The following AFP variants were observed in gnomAD, a reference collection of about 807,000 sequenced individuals.
AFP encodes the protein alpha fetoprotein.
A neutral mutation model predicts 78.9 loss-of-function variants in AFP; 64 were observed. The ratio of observed to expected loss-of-function variants is 0.81; its 90% CI spans 0.66 to 1.00. AFP has a LOEUF of 1.00. Among genes scored for constraint, AFP ranks in the 50% least tolerant of loss-of-function variants. The pLI, the probability that AFP is intolerant of heterozygous loss-of-function variation, is 0.00. For synonymous variants in AFP, 254 were observed against 243.8 expected (o/e 1.04, Z -0.39); for missense variants, 689 against 703.8 (o/e 0.98, Z 0.24).
At chr4:73,437,089 C>T in intron 1 of AFP, 71 bp from the exon 2 acceptor site, 1 of 1,138,258 alleles carries the variant, frequency 8.8e-7, no homozygotes, top group African/African-American at 1.5e-5. Flanking sequence ...CACAAACATT[C>T]ATATGTAACA....
At position 73,455,141 on chromosome 4, in the gene AFP, A is replaced by C. The variant is rs553512717; in HGVS notation, c.1786-95A>C. On this transcript the variant is annotated intron_variant, in intron 13 of 14. Transcript: ENST00000395792. ...TCATTTTTAACTTAGTTAATCTACAAACCTATGAATTCACCCCGGATTGTA... is the reference window on the plus strand; with the variant it reads ...TCATTTTTAACTTAGTTAATCTACACACCTATGAATTCACCCCGGATTGTA... 8.6e-5 allele frequency: 87 copies of C among 1,008,670 alleles called. No individual in the cohort carries two copies. In the South Asian group the frequency reaches 1.1e-3, roughly 13 times the overall value. The allele number at this position is 1,008,670 out of a possible 1,614,324, so 62.5% of individuals were successfully genotyped here.
intron 13 of AFP, among the ~76,000 whole-genome samples, chr4:73,454,640 G>A (rs1019358941): frequency 3.3e-5 from 5 of 152,012 alleles, no homozygotes; most frequent in Non-Finnish European, 5.9e-5. Context: ...CTATAACTTA[G>A]CGTTTTTGTC....
At chr4:73,441,567 CAAAAAAAA>C (rs35201987) in intron 4 of AFP, among the ~76,000 whole-genome samples, 2 of 96,000 alleles carry the variant, frequency 2.1e-5, no homozygotes, top group South Asian at 8.1e-4. Context: ...GACTCCGTCT[CAAAAAAAA>C]AAAAAAAAAA....
chr4:73,442,319 G>A lies in AFP; in HGVS notation c.506G>A (p.Arg169Lys), dbSNP rs143076376. The part of the protein sequence containing the change: ...MNKFIYEIAR[R>K]HPFLYAPTIL... ...AGATTCATTTATGAGATAGCAAGAA[G>A]GCATCCCTTCCTGTATGCACCTACA... Residue 169 changes from arginine (R) to lysine (K), a missense_variant, in exon 5 of 15, where the codon AGG becomes AAG. Arg to Lys is a conservative substitution (Grantham distance 26). Transcript: ENST00000395792. 19 of 1,613,652 alleles carry A rather than the reference G, an allele frequency of 1.2e-5. No individual in the cohort carries two copies. Among genetic ancestry groups the A allele is most frequent in the African/African-American group, 2.7e-5 (2 of 74,892 alleles).
rs777822045 is a variant in AFP, at chr4:73,437,196, T to A, written c.122T>A (p.Ile41Lys). Residue 41 changes from isoleucine to lysine, a missense_variant, in exon 2 of 15, where the codon ATA (isoleucine) becomes AAA (lysine). Physicochemically the swap from Ile to Lys is moderately radical, Grantham distance 102 (BLOSUM62 -3). Transcript: ENST00000395792. ...GATTCTTACCAATGTACTGCAGAGA[T>A]AAGTTTAGCTGACCTGTAAGTTTTG... Reference protein sequence around the residue: ...ILDSYQCTAEISLADLATIFF... With the variant: ...ILDSYQCTAEKSLADLATIFF... 2.5e-6 allele frequency: 4 copies of A among 1,610,844 alleles called. No homozygotes were observed. Among genetic ancestry groups the A allele is most frequent in the Non-Finnish European group, 2.5e-6 (3 of 1,177,486 alleles).
intron 5 of AFP, 87 bp downstream of exon 5, chr4:73,442,515 A>AT (rs1439506272): frequency 2.7e-6 from 4 of 1,490,952 alleles, no homozygotes; most frequent in Non-Finnish European, 3.7e-6. Context: ...AACGTGCTTA[A>AT]TTGTGGAGAG....
At chr4:73,452,321 C>A in intron 11 of AFP, 80 bp from the exon 12 acceptor site, 2 of 1,102,586 alleles carry the variant, frequency 1.8e-6, no homozygotes, top group Non-Finnish European at 2.8e-6. Flanking sequence ...GAAATTATTG[C>A]AGCAGTTTTC....
intron 8 of AFP, 70 bp from the exon 9 acceptor site, chr4:73,449,265 C>A: frequency 7.2e-7 from 1 of 1,392,510 alleles, no homozygotes; most frequent in Non-Finnish European, 1.0e-6. Context: ...ATAGGAATAA[C>A]TGGAGAAGTG....
intron 13 of AFP, 80 bp from the exon 14 acceptor site, chr4:73,455,156 C>T (rs1720119333): frequency 1.8e-6 from 2 of 1,120,666 alleles, no homozygotes; most frequent in Non-Finnish European, 1.4e-6. Flanking sequence ...ATGAATTCAC[C>T]CCGGATTGTA....
At chr4:73,437,961 A>G (rs1434767111) in intron 2 of AFP, among the ~76,000 whole-genome samples, 1 of 152,094 alleles carries the variant, frequency 6.6e-6, no homozygotes, top group Non-Finnish European at 1.5e-5. Flanking sequence ...TTTAACATCT[A>G]TATGTATATT....
Position 73,440,799 on chromosome 4 carries a change from G to A in AFP, c.468G>A (p.Glu156=). Residue 156 remains glutamate (E), a synonymous_variant, in exon 4 of 15, where the codon GAG becomes GAA. Coordinates refer to ENST00000395792, the MANE Select transcript of AFP (RefSeq NM_001134.3). ...GTGAAGCATATGAAGAAGACAGGGA[G>A]ACATTCATGAACAAGTAAGGATCCA... ...TSCEAYEEDR[E]TFMNKFIYEI... The A allele has an allele frequency of 1.2e-6, 2 of 1,613,784 alleles. No homozygotes were observed. Among genetic ancestry groups the A allele is most frequent in the Non-Finnish European group, 8.5e-7 (1 of 1,179,810 alleles).
rs200626144 is a variant in AFP at position 73,449,343 on chromosome 4, A to G, written c.1067A>G (p.His356Arg). 6.2e-6 allele frequency: 10 copies of G among 1,612,998 alleles called. No individual in the cohort carries two copies. The African/African-American group carries it at 1.2e-4, about 19-fold the overall frequency. Reference protein sequence around the residue: ...EKNIFLASFVHEYSRRHPQLA... With the variant: ...EKNIFLASFVREYSRRHPQLA... ...TTCTCCACATATTTCAGTTTTGTTC[A>G]TGAATATTCAAGAAGACATCCTCAG... Residue 356 changes from histidine (H) to arginine (R), a missense_variant, in exon 9 of 15, where the codon CAT (histidine) becomes CGT (arginine). Physicochemically the swap from His to Arg is conservative, Grantham distance 29 (BLOSUM62 0). Transcript: ENST00000395792.
At chr4:73,451,154 A>G (rs1235715802) in intron 11 of AFP, among the ~76,000 whole-genome samples, 1 of 152,222 alleles carries the variant, frequency 6.6e-6, no homozygotes, top group Non-Finnish European at 1.5e-5. Context: ...AAAATTAGTC[A>G]TGCTATTTTA....
rs377267349 is a variant in AFP, at chr4:73,455,197, C to A, written c.1786-39C>A. ...TTAACTGTATGATTGGTATAATAAT[C>A]CATTTCTTTATCTGATTATGTTTAT... On this transcript the variant is annotated intron_variant, in intron 13 of 14. Coordinates refer to ENST00000395792, the MANE Select transcript of AFP (RefSeq NM_001134.3). 2.9e-5 allele frequency: 43 copies of A among 1,461,440 alleles called. No homozygotes were observed. In the African/African-American group the frequency reaches 4.2e-4, roughly 14 times the overall value. The allele number at this position is 1,461,440 out of a possible 1,614,324, so 90.5% of individuals were successfully genotyped here.
chr4:73,436,911 A>G (rs1428802464), intron 1 of AFP, among the ~76,000 whole-genome samples: 1 of 151,940 alleles, frequency 6.6e-6, no homozygotes, highest in Non-Finnish European at 1.5e-5. Flanking sequence ...GGAAAAACCA[A>G]ACAACTGGAA....
intron 6 of AFP, 114 bp downstream of exon 6, chr4:73,443,558 C>T (rs1719736545): frequency 1.3e-6 from 1 of 774,156 alleles, no homozygotes; most frequent in Admixed American, 2.0e-5. Flanking sequence ...CCCTTTGTGA[C>T]CCCTTTGATG....
intron 3 of AFP, 44 bp from the exon 4 acceptor site, chr4:73,440,558 G>A: frequency 2.0e-6 from 3 of 1,502,904 alleles, no homozygotes; most frequent in Non-Finnish European, 1.9e-6. Flanking sequence ...GATTTTTAAA[G>A]CAAAGTTAGT....
At chr4:73,453,943 T>C (rs753829777) in intron 13 of AFP, 46 bp downstream of exon 13, 1 of 1,611,106 alleles carries the variant, frequency 6.2e-7, no homozygotes, top group Non-Finnish European at 8.5e-7. Context: ...TATGGAATTT[T>C]CTGTAGTGGA....
rs1361305130 is a variant in AFP, at chr4:73,437,169, TG to T, written c.97del (p.Asp33IlefsTer9). On this transcript the variant is annotated frameshift_variant, in exon 2 of 15. Coordinates refer to ENST00000395792, the MANE Select transcript of AFP (RefSeq NM_001134.3). LOFTEE classifies it high-confidence loss of function. Reference protein sequence around the residue: ...HRNEYGIASILDSYQCTAEIS... With the variant: ...HRNEYGIASIXDSYQCTAEIS... Reference sequence around the variant, plus strand: ...TTATTTTGCTTTCCAGCTTCCATATTGGATTCTTACCAATGTACTGCAGAGA... The same window carrying T: ...TTATTTTGCTTTCCAGCTTCCATATTGATTCTTACCAATGTACTGCAGAGA... 14 of 1,611,384 alleles carry T rather than the reference TG, an allele frequency of 8.7e-6. No homozygotes were observed. The highest frequency in any genetic ancestry group is 9.3e-6 in the Non-Finnish European group (11 of 1,177,936).
Sources: allele counts gnomAD v4.1 joint callset (sites outside exome capture counted in the v4.1 genomes callset), GRCh38; gene constraint gnomAD v4.1.1; transcripts MANE v1.5; gene names NCBI Gene and HGNC (gene_info 2026-07-23, HGNC 2026-07-21).